Variants in TRAPPC11 observed in about 807,000 individuals in gnomAD.
TRAPPC11 encodes trafficking protein particle complex subunit 11.
In TRAPPC11, 104 loss-of-function variants were observed where a neutral mutation model predicts 151.2. The observed-to-expected ratio is 0.69, with a 90% CI of 0.59 to 0.81. The LOEUF is 0.81. Among genes scored for constraint, TRAPPC11 ranks in the 30% least tolerant of loss-of-function variants. The probability of loss-of-function intolerance (pLI) is 0.00; values close to 1 mark genes in which losing one functional copy is unlikely to be tolerated. For missense variants in TRAPPC11, 1,230 were observed against 1,349.6 expected (o/e 0.91, Z 1.39); for synonymous variants, 456 against 472.3 (o/e 0.97, Z 0.45).
At position 183,697,783 on chromosome 4, in the gene TRAPPC11, G is replaced by GCTTGCTCCAT; in HGVS notation, c.2801_2810dup (p.Met938CysfsTer26). The GCTTGCTCCAT allele has an allele frequency of 2.5e-6, 4 of 1,613,894 alleles. No individual in the cohort carries two copies. Among genetic ancestry groups the GCTTGCTCCAT allele is most frequent in the Non-Finnish European group, 2.5e-6 (3 of 1,179,996 alleles). Reference sequence around the variant, plus strand: ...TCACTATTGTTTCCAGTGAGCTCCAGCTTGCTCCATCCATGACCACAGTGG... The same window carrying GCTTGCTCCAT: ...TCACTATTGTTTCCAGTGAGCTCCAGCTTGCTCCATCTTGCTCCATCCATGACCACAGTGG... On this transcript the variant is annotated frameshift_variant, in exon 25 of 30. Coordinates refer to ENST00000334690, the MANE Select transcript of TRAPPC11 (RefSeq NM_021942.6). LOFTEE classifies it high-confidence loss of function.
intron 2 of TRAPPC11, among the ~76,000 whole-genome samples, chr4:183,664,989 G>A (rs781305636): frequency 1.9e-4 from 29 of 151,530 alleles, no homozygotes; most frequent in Non-Finnish European, 3.8e-4. Context: ...AGAACCACAC[G>A]ACAACATTTC....
At chr4:183,688,620 A>G (rs1037812024) in intron 18 of TRAPPC11, among the ~76,000 whole-genome samples, 2 of 152,268 alleles carry the variant, frequency 1.3e-5, no homozygotes, top group African/African-American at 4.8e-5. Flanking sequence ...TCTCTGTAAT[A>G]GAAATGATTA....
chr4:183,686,919 G>A lies in TRAPPC11; in HGVS notation c.1893+171G>A, dbSNP rs62358029. On this transcript the variant is annotated intron_variant, in intron 18 of 29. Transcript: ENST00000334690. ...TCCAGGGCCGGGCACAGTGGCTCAC[G>A]CCTGTAATCTCAGCACTTTGGGAGG... Among the ~76,000 whole-genome samples the A allele has an allele frequency of 0.079, 12,075 of 152,204 alleles. 591 individuals carry two copies. Among genetic ancestry groups the A allele is most frequent in the Non-Finnish European group, 0.12 (7,956 of 67,998 alleles).
chr4:183,686,881 T>C (rs971951508), intron 18 of TRAPPC11, 133 bp downstream of exon 18: 49 of 1,093,768 alleles, frequency 4.5e-5, no homozygotes, highest in Middle Eastern at 2.4e-4. Flanking sequence ...TAAGGTCTAT[T>C]CAAAAATATA....
intron 14 of TRAPPC11, 85 bp downstream of exon 14, chr4:183,684,444 G>T: frequency 8.0e-7 from 1 of 1,247,804 alleles, no homozygotes; most frequent in East Asian, 2.5e-5. Context: ...GAAGGAGTTC[G>T]TATTTTCATA....
intron 23 of TRAPPC11, 31 bp downstream of exon 23, chr4:183,694,754 CAT>C (rs780048263): frequency 3.8e-6 from 6 of 1,596,058 alleles, no homozygotes; most frequent in African/African-American, 1.4e-5. Flanking sequence ...TATAAAGCAT[CAT>C]ATGTGGAGTA....
chr4:183,682,685 C>A (rs375843967), intron 10 of TRAPPC11, 47 bp from the exon 11 acceptor site: 1 of 1,333,246 alleles, frequency 7.5e-7, no homozygotes, highest in Non-Finnish European at 1.0e-6. Flanking sequence ...AGTTGATTTG[C>A]GATGAGTTCC....
At chr4:183,690,879 T>C (rs1736225858) in intron 18 of TRAPPC11, among the ~76,000 whole-genome samples, 1 of 152,102 alleles carries the variant, frequency 6.6e-6, no homozygotes, top group Non-Finnish European at 1.5e-5. Context: ...GAGGTGGGAC[T>C]ATCCCTTGGG....
intron 1 of TRAPPC11, 110 bp from the exon 2 acceptor site, chr4:183,663,736 GT>G (rs70959134): frequency 0.017 from 6,611 of 386,590 alleles, no homozygotes; most frequent in South Asian, 0.04. Flanking sequence ...AATATGAGTT[GT>G]TTTTTTTTTT....
chr4:183,697,767 T>C lies in TRAPPC11; in HGVS notation c.2783T>C (p.Val928Ala), dbSNP rs2111078852. 5 of 1,614,118 alleles carry C rather than the reference T, an allele frequency of 3.1e-6. No individual in the cohort carries two copies. In the South Asian group the frequency reaches 4.4e-5, roughly 14 times the overall value. Residue 928 changes from valine to alanine, a missense_variant, in exon 25 of 30, where the codon GTT (valine) becomes GCT (alanine). Transcript: ENST00000334690. ...LSASPWALTI[V>A]SSELQLAPSM... ...GCCTCACCCTGGGCCCTCACTATTG[T>C]TTCCAGTGAGCTCCAGCTTGCTCCA...
intron 10 of TRAPPC11, among the ~76,000 whole-genome samples, chr4:183,681,474 T>A (rs565476016): frequency 2.0e-5 from 3 of 152,302 alleles, no homozygotes; most frequent in African/African-American, 7.2e-5. Flanking sequence ...TTAATAAATA[T>A]CATTGGTTAA....
At chr4:183,673,897 A>G (rs1467195872) in intron 5 of TRAPPC11, among the ~76,000 whole-genome samples, 1 of 152,104 alleles carries the variant, frequency 6.6e-6, no homozygotes, top group Non-Finnish European at 1.5e-5. Context: ...TCTTGTTCCT[A>G]TGTAAGTTAT....
At position 183,684,210 on chromosome 4, in the gene TRAPPC11, GAA is replaced by G. The variant is rs1579189878; in HGVS notation, c.1356_1357del (p.His454ProfsTer28). 5 of 1,613,994 alleles carry G rather than the reference GAA, an allele frequency of 3.1e-6. No individual in the cohort carries two copies. Among genetic ancestry groups the G allele is most frequent in the South Asian group, 1.1e-5 (1 of 91,068 alleles). ...QFKKYKCPRM[K>X]SHLMVQMGEE... ...TCAAGAAGTATAAGTGCCCGCGAAT[GAA>G]AAGTCACCTAAGTATGTATCCACAA... On this transcript the variant is annotated frameshift_variant, in exon 13 of 30. Transcript: ENST00000334690. LOFTEE classifies it high-confidence loss of function.
chr4:183,686,516 A>C lies in TRAPPC11; in HGVS notation c.1763-102A>C, dbSNP rs1450017474. ...AGTGCAGAAGTCAGTAAGAATGGTC[A>C]GTGCAGATGTGTCTTTCTGAAGAAT... is the stretch of plus-strand genomic sequence containing the variant. On this transcript the variant is annotated intron_variant, in intron 17 of 29. Coordinates refer to ENST00000334690, the MANE Select transcript of TRAPPC11 (RefSeq NM_021942.6). 3.9e-6 allele frequency: 5 copies of C among 1,279,826 alleles called. No individual in the cohort carries two copies. The African/African-American group carries it at 4.5e-5, about 11-fold the overall frequency. 79.3% of individuals were successfully genotyped at this position (1,279,826 alleles called of 1,614,324 possible). A position where few individuals can be genotyped will look rare whatever the true frequency, so the allele number is the denominator to read the frequency against.
Position 183,685,357 on chromosome 4 carries a change from T to C in TRAPPC11, c.1716T>C (p.Ala572=). Residue 572 remains alanine, a synonymous_variant, in exon 17 of 30, where the codon GCT becomes GCC. Coordinates refer to ENST00000334690, the MANE Select transcript of TRAPPC11 (RefSeq NM_021942.6). ...TGTGGGCAGACCGAATTTCTCTGGC[T>C]GGCAGCAATATTTTCACAATAGGAG... ...QKLWADRISL[A]GSNIFTIGVQ... is the part of the protein sequence containing the mutation. 1 of 1,614,182 alleles carries C rather than the reference T, an allele frequency of 6.2e-7. No individual in the cohort carries two copies. Among genetic ancestry groups the C allele is most frequent in the South Asian group, 1.1e-5 (1 of 91,090 alleles).
At chr4:183,666,496 GGCA>G in intron 3 of TRAPPC11, 70 bp downstream of exon 3, 1 of 1,494,120 alleles carries the variant, frequency 6.7e-7, no homozygotes, top group Non-Finnish European at 9.0e-7. Flanking sequence ...ATTCCTTGAA[GGCA>G]ATGGAGTACC....
chr4:183,701,409 G>C (rs1579219188), intron 25 of TRAPPC11: 1 of 262,788 alleles, frequency 3.8e-6, no homozygotes, highest in Non-Finnish European at 7.2e-6. Context: ...GTAAGATATT[G>C]ATTCTGTCTC....
At chr4:183,698,362 C>A (rs1736647941) in intron 25 of TRAPPC11, among the ~76,000 whole-genome samples, 1 of 151,956 alleles carries the variant, frequency 6.6e-6, no homozygotes, top group Non-Finnish European at 1.5e-5. Flanking sequence ...AGTTTTTTTT[C>A]ATCTCTCCTT....
intron 2 of TRAPPC11, among the ~76,000 whole-genome samples, chr4:183,664,348 C>T (rs1734733015): frequency 6.6e-6 from 1 of 152,012 alleles, no homozygotes; most frequent in Admixed American, 6.6e-5. Flanking sequence ...AACATAGTCC[C>T]CTCTAAAAGG....
Sources: allele counts gnomAD v4.1 joint callset (sites outside exome capture counted in the v4.1 genomes callset), GRCh38; gene constraint gnomAD v4.1.1; transcripts MANE v1.5; gene names NCBI Gene and HGNC (gene_info 2026-07-23, HGNC 2026-07-21).